Variants in CNGA1 observed in about 807,000 individuals in gnomAD.
CNGA1 encodes the protein cyclic nucleotide-gated channel alpha-1.
In CNGA1, 53 loss-of-function variants were observed where a neutral mutation model predicts 69.7. The observed-to-expected ratio is 0.76, with a 90% CI of 0.61 to 0.96. The LOEUF is 0.96. Among genes scored for constraint, CNGA1 ranks in the 40% least tolerant of loss-of-function variants. The probability of loss-of-function intolerance (pLI) is 0.00; values close to 1 mark genes in which losing one functional copy is unlikely to be tolerated. For missense variants in CNGA1, 739 were observed against 811.2 expected (o/e 0.91, Z 1.08); for synonymous variants, 249 against 283.5 (o/e 0.88, Z 1.22).
chr4:47,964,315 A>T (rs1399703866), intron 3 of CNGA1, among the ~76,000 whole-genome samples: 1 of 152,194 alleles, frequency 6.6e-6, no homozygotes, highest in Non-Finnish European at 1.5e-5. Flanking sequence ...AACAGAAAAT[A>T]TAATTCTGAT....
At chr4:47,975,066 G>A (rs998792608) in intron 3 of CNGA1, among the ~76,000 whole-genome samples, 3 of 152,130 alleles carry the variant, frequency 2.0e-5, no homozygotes, top group African/African-American at 4.8e-5. Context: ...TGATCTCTAA[G>A]TTCAGAAAGA....
intron 3 of CNGA1, among the ~76,000 whole-genome samples, chr4:47,976,836 T>G (rs921785765): frequency 6.6e-6 from 1 of 152,174 alleles, no homozygotes; most frequent in Non-Finnish European, 1.5e-5. Flanking sequence ...GAATGTTGAT[T>G]AAGACAGGCT....
chr4:47,997,021 C>T (rs1302725361), intron 2 of CNGA1, among the ~76,000 whole-genome samples: 1 of 152,148 alleles, frequency 6.6e-6, no homozygotes, highest in Non-Finnish European at 1.5e-5. Context: ...GATTGTGCCA[C>T]TTGACTCCAG....
chr4:47,972,288 T>C (rs1372556302), intron 3 of CNGA1, among the ~76,000 whole-genome samples: 1 of 152,238 alleles, frequency 6.6e-6, no homozygotes, highest in East Asian at 1.9e-4. Context: ...GAAGGATTGG[T>C]TGTTTCCATT....
chr4:47,982,511 C>T (rs986507230), intron 2 of CNGA1, among the ~76,000 whole-genome samples: 3 of 152,054 alleles, frequency 2.0e-5, no homozygotes, highest in Non-Finnish European at 2.9e-5. Flanking sequence ...TAATATAAAA[C>T]ATGCTTCATA....
intron 3 of CNGA1, among the ~76,000 whole-genome samples, 178 bp downstream of exon 3, chr4:47,981,215 G>GTT (rs1741693291): frequency 6.6e-6 from 1 of 152,168 alleles, no homozygotes; most frequent in South Asian, 2.1e-4. Flanking sequence ...TTGCCAGGTA[G>GTT]AGTATTCACT....
chr4:47,959,573 G>C (rs116564050), intron 3 of CNGA1, among the ~76,000 whole-genome samples: 2,436 of 152,204 alleles, frequency 0.016, 65 homozygotes, highest in African/African-American at 0.056. Context: ...GGTAGGCAAA[G>C]TTTCTTAGAA....
chr4:47,983,927 A>T (rs1741861004), intron 2 of CNGA1, among the ~76,000 whole-genome samples: 1 of 152,236 alleles, frequency 6.6e-6, no homozygotes. Flanking sequence ...AGAGAGGGTT[A>T]CTAGATTTGG....
chr4:48,001,697 A>G (rs913196844), intron 2 of CNGA1, among the ~76,000 whole-genome samples: 9 of 152,364 alleles, frequency 5.9e-5, no homozygotes, highest in African/African-American at 1.9e-4. Flanking sequence ...CCCAATTGAC[A>G]TTTCTAAAAC....
chr4:47,986,553 G>A (rs1214478164), intron 2 of CNGA1, among the ~76,000 whole-genome samples: 2 of 152,110 alleles, frequency 1.3e-5, no homozygotes, highest in East Asian at 1.9e-4. Context: ...GTGTTTTCAT[G>A]TGTGTAGAGT....
chr4:48,007,034 G>C (rs1197795574), intron 2 of CNGA1, among the ~76,000 whole-genome samples: 1 of 151,540 alleles, frequency 6.6e-6, no homozygotes, highest in Non-Finnish European at 1.5e-5. Flanking sequence ...CATTTAACCA[G>C]AGTGATAACT....
intron 3 of CNGA1, among the ~76,000 whole-genome samples, chr4:47,973,092 G>C (rs1253195676): frequency 1.4e-5 from 2 of 144,534 alleles, no homozygotes; most frequent in Non-Finnish European, 3.0e-5. Context: ...TTTTGAGAGG[G>C]AGTCTTGCTC....
chr4:47,994,392 A>T (rs1230434222), intron 2 of CNGA1, among the ~76,000 whole-genome samples: 3 of 152,132 alleles, frequency 2.0e-5, no homozygotes, highest in South Asian at 2.1e-4. Flanking sequence ...GGATTGTGAT[A>T]GTTTCCTGTT....
At chr4:48,001,468 A>T (rs1275521403) in intron 2 of CNGA1, among the ~76,000 whole-genome samples, 2 of 152,150 alleles carry the variant, frequency 1.3e-5, no homozygotes, top group African/African-American at 4.8e-5. Flanking sequence ...GACTCTGTTT[A>T]AAAAAATGCT....
intron 2 of CNGA1, among the ~76,000 whole-genome samples, chr4:47,986,106 C>A (rs538883511): frequency 6.6e-6 from 1 of 152,166 alleles, no homozygotes; most frequent in Non-Finnish European, 1.5e-5. Context: ...AAGCAGATAT[C>A]TGTGGCTGCT....
At chr4:47,973,787 G>A (rs10461076) in intron 3 of CNGA1, among the ~76,000 whole-genome samples, 97,830 of 151,764 alleles carry the variant, frequency 0.64, 31,928 homozygotes, top group Non-Finnish European at 0.69. Flanking sequence ...TTTTATATCA[G>A]TTTTACAGAA....
chr4:47,997,703 A>G (rs1714450295), intron 2 of CNGA1, among the ~76,000 whole-genome samples: 1 of 152,302 alleles, frequency 6.6e-6, no homozygotes, highest in East Asian at 1.9e-4. Context: ...GAGTCATTAC[A>G]GATTGTAGTA....
intron 2 of CNGA1, among the ~76,000 whole-genome samples, chr4:47,984,436 G>A (rs773478122): frequency 2.0e-5 from 3 of 151,850 alleles, no homozygotes; most frequent in Non-Finnish European, 4.4e-5. Flanking sequence ...TGGCCAACAT[G>A]GTGAAACCCC....
chr4:48,016,614 C>T lies in CNGA1; in HGVS notation c.-354G>A. On this transcript the variant is annotated 5_prime_UTR_variant, in exon 1 of 11. Transcript: ENST00000514170. ...GCCAGATACACCAGTTATCACAGGC[C>T]GCTCCCAGGCCTGCGGGGGCCCTGA... The T allele has an allele frequency of 1.9e-6, 1 of 538,270 alleles. No homozygotes were observed. 33.3% of individuals were successfully genotyped at this position (538,270 alleles called of 1,614,324 possible).
Sources: gnomAD v4.1 joint callset for allele counts (sites outside exome capture counted in the v4.1 genomes callset) on GRCh38, gnomAD v4.1.1 for gene constraint, MANE v1.5 for transcripts, NCBI Gene and HGNC (gene_info 2026-07-23, HGNC 2026-07-21) for gene names.